The following SH3PXD2A variants were observed in gnomAD, a reference collection of about 807,000 sequenced individuals.
SH3PXD2A encodes the protein SH3 and PX domains 2A.
A neutral mutation model predicts 115.2 loss-of-function variants in SH3PXD2A; 32 were observed. The observed-to-expected ratio is 0.28, with a 90% CI of 0.21 to 0.37. The LOEUF is 0.37. SH3PXD2A is among the 10% of genes least tolerant of loss of function. The pLI, the probability that SH3PXD2A is intolerant of heterozygous loss-of-function variation, is 1.00. For missense variants in SH3PXD2A, 1,328 were observed against 1,498.7 expected (o/e 0.89, Z 1.88); for synonymous variants, 610 against 629.1 (o/e 0.97, Z 0.45).
intron 7 of SH3PXD2A, among the ~76,000 whole-genome samples, 180 bp from the exon 8 acceptor site, chr10:103,661,294 C>A (rs2037296981): frequency 6.6e-6 from 1 of 152,222 alleles, no homozygotes; most frequent in Non-Finnish European, 1.5e-5. Flanking sequence ...TATAGCAAGG[C>A]CCCAGACCGG....
At chr10:103,617,412 G>T in intron 10 of SH3PXD2A, 98 bp from the exon 11 acceptor site, 1 of 842,496 alleles carries the variant, frequency 1.2e-6, no homozygotes, top group Non-Finnish European at 2.0e-6. Flanking sequence ...TTGCTCAACT[G>T]CTTGCCAAGA....
rs192926178 is a variant in SH3PXD2A at position 103,801,924 on chromosome 10, G to A, written c.73-562C>T. Among the ~76,000 whole-genome samples, 311 of 152,228 alleles carry A rather than the reference G, an allele frequency of 2.0e-3. 3 individuals are homozygous for A. The highest frequency in any genetic ancestry group is 6.4e-3 in the African/African-American group (266 of 41,544). ...TCGCCATGTTGGCCAGGCTGGTCTCGAACTCCTGACCTCAGATGATCCACC... is the reference window on the plus strand; with the variant it reads ...TCGCCATGTTGGCCAGGCTGGTCTCAAACTCCTGACCTCAGATGATCCACC... On this transcript the variant is annotated intron_variant, in intron 1 of 14. Coordinates refer to ENST00000369774, the MANE Select transcript of SH3PXD2A (RefSeq NM_001394015.1).
chr10:103,660,895 C>A, intron 8 of SH3PXD2A, 88 bp downstream of exon 8: 1 of 1,363,688 alleles, frequency 7.3e-7, no homozygotes, highest in East Asian at 2.3e-5. Context: ...ATAGCTGCAG[C>A]GGTGGGGGAG....
intron 8 of SH3PXD2A, among the ~76,000 whole-genome samples, chr10:103,640,186 A>G (rs562622526): frequency 6.6e-6 from 1 of 152,158 alleles, no homozygotes; most frequent in East Asian, 1.9e-4. Context: ...GTAGTGGCAC[A>G]TGCCTGTAAT....
At position 103,756,550 on chromosome 10, in the gene SH3PXD2A, C is replaced by A. The variant is rs987265251; in HGVS notation, c.229+10544G>T. Among the ~76,000 whole-genome samples the A allele has an allele frequency of 6.6e-6, 1 of 152,152 alleles. No individual in the cohort carries two copies. Among genetic ancestry groups the A allele is most frequent in the African/African-American group, 2.4e-5 (1 of 41,434 alleles). On this transcript the variant is annotated intron_variant, in intron 3 of 14. Transcript: ENST00000369774. The surrounding 1 kb of genome is among the most constrained non-coding windows in gnomAD (Gnocchi z 4.4). ...GGCTCCTGGGGAGGGAGGCTGCCCA[C>A]CACAAAGCACCTTTCATATGCTCCA...
rs2037888127 is a variant in SH3PXD2A, at chr10:103,701,020, CCA to C, written c.399-7966_399-7965del. On this transcript the variant is annotated intron_variant, in intron 5 of 14. Transcript: ENST00000369774. ...TACCATCTATCCATCTATCCATCCA[CCA>C]TCCATCCATCCATCCATCCACCATC... 5.2e-4 allele frequency among the ~76,000 whole-genome samples: 2 copies of C among 3,854 alleles called. 1 individual carries two copies. The highest frequency in any genetic ancestry group is 7.8e-4 in the Non-Finnish European group (2 of 2,568). The allele number at this position is 3,854 out of a possible 152,430, so 2.5% of individuals were successfully genotyped here.
chr10:103,603,367 C>T lies in SH3PXD2A; in HGVS notation c.1851G>A (p.Glu617=). Residue 617 remains glutamate (E), a synonymous_variant, in exon 15 of 15, where the codon GAG becomes GAA. Coordinates refer to ENST00000369774, the MANE Select transcript of SH3PXD2A (RefSeq NM_001394015.1). The stretch of plus-strand genomic sequence containing the variant: ...GGAAGCCCTCATTCTCATAGATGGT[C>T]TCCTCTTCCAGGGCCACATCCTCTG... ...ESSEDVALEE[E]TIYENEGFRP... The T allele has an allele frequency of 1.2e-6, 2 of 1,614,078 alleles. No individual in the cohort carries two copies.
chr10:103,607,468 C>A (rs1235350521), intron 13 of SH3PXD2A, among the ~76,000 whole-genome samples: 3 of 151,880 alleles, frequency 2.0e-5, no homozygotes, highest in African/African-American at 7.3e-5. Context: ...TGCCCAGCCG[C>A]CCCTACTGGG....
intron 2 of SH3PXD2A, among the ~76,000 whole-genome samples, chr10:103,797,860 G>A (rs545513125): frequency 1.3e-5 from 2 of 152,242 alleles, no homozygotes; most frequent in South Asian, 4.2e-4. Flanking sequence ...TGGCCTCATG[G>A]CTGCAGAGTG....
At chr10:103,828,786 G>C (rs943830574) in intron 1 of SH3PXD2A, among the ~76,000 whole-genome samples, 6 of 152,194 alleles carry the variant, frequency 3.9e-5, no homozygotes, top group African/African-American at 1.4e-4. Flanking sequence ...TTTGTGTTCT[G>C]TACTTCGTCC....
At chr10:103,820,666 C>T (rs947040183) in intron 1 of SH3PXD2A, among the ~76,000 whole-genome samples, 1 of 152,118 alleles carries the variant, frequency 6.6e-6, no homozygotes, top group Non-Finnish European at 1.5e-5. Flanking sequence ...CAGGCCCATG[C>T]AGGGAAAGGC....
At chr10:103,773,410 A>G (rs546714381) in intron 2 of SH3PXD2A, among the ~76,000 whole-genome samples, 28 of 151,610 alleles carry the variant, frequency 1.8e-4, no homozygotes, top group Non-Finnish European at 3.7e-4. Flanking sequence ...GACAATAATG[A>G]TAAGTGTGGT....
Position 103,601,528 on chromosome 10 carries a change from T to C in SH3PXD2A, c.*288A>G, listed in dbSNP as rs2036214055. Reference sequence around the variant, plus strand: ...GATGGCATGTAATCCATTGGTGAAGTCCCTATGGTGCACAGGATATCTCAG... The same window carrying C: ...GATGGCATGTAATCCATTGGTGAAGCCCCTATGGTGCACAGGATATCTCAG... On this transcript the variant is annotated 3_prime_UTR_variant, in exon 15 of 15. Transcript: ENST00000369774. The C allele has an allele frequency of 3.4e-6, 1 of 296,088 alleles. No homozygotes were observed. Among genetic ancestry groups the C allele is most frequent in the African/African-American group, 2.1e-5 (1 of 46,934 alleles). 18.3% of individuals were successfully genotyped at this position (296,088 alleles called of 1,614,324 possible).
intron 3 of SH3PXD2A, among the ~76,000 whole-genome samples, chr10:103,765,641 C>G (rs368163254): frequency 6.6e-6 from 1 of 152,202 alleles, no homozygotes; most frequent in East Asian, 1.9e-4. Context: ...AGCAAACAGG[C>G]GACCTTCATG....
In SH3PXD2A at chr10:103,679,975, TTTTA is replaced by T. The variant is rs1053956678; in HGVS notation, c.428-11327_428-11324del. The stretch of plus-strand genomic sequence containing the variant: ...ATGGCCAGCTCTGCCTTCTCTTTTA[TTTTA>T]TTTATTTATTTATTTTTTGAGATAG... On this transcript the variant is annotated intron_variant, in intron 6 of 14. Coordinates refer to ENST00000369774, the MANE Select transcript of SH3PXD2A (RefSeq NM_001394015.1). Among the ~76,000 whole-genome samples, 4 of 152,174 alleles carry T rather than the reference TTTTA, an allele frequency of 2.6e-5. No individual in the cohort carries two copies. In the Middle Eastern group the frequency reaches 0.01, roughly 388 times the overall value.
chr10:103,842,540 T>C (rs752903335), intron 1 of SH3PXD2A, among the ~76,000 whole-genome samples: 33 of 152,230 alleles, frequency 2.2e-4, no homozygotes, highest in Non-Finnish European at 3.7e-4. Context: ...TCAACCTCTC[T>C]TTATTCCTCC....
chr10:103,717,405 C>T (rs2047036), intron 5 of SH3PXD2A, among the ~76,000 whole-genome samples: 99,212 of 151,904 alleles, frequency 0.65, 32,677 homozygotes, highest in African/African-American at 0.73. Context: ...GAGGAGGGGC[C>T]CAAGCTGAGT....
At chr10:103,717,474 G>A (rs1461243339) in intron 5 of SH3PXD2A, among the ~76,000 whole-genome samples, 1 of 152,162 alleles carries the variant, frequency 6.6e-6, no homozygotes, top group Non-Finnish European at 1.5e-5. Context: ...GGGTGCTCCT[G>A]GTGGAGGGAA....
chr10:103,835,453 G>C (rs1459033150), intron 1 of SH3PXD2A, among the ~76,000 whole-genome samples: 1 of 152,214 alleles, frequency 6.6e-6, no homozygotes, highest in Admixed American at 6.5e-5. Flanking sequence ...TCGCTTAGCA[G>C]ACAACGATGG....
Sources: gnomAD v4.1 joint callset for allele counts (sites outside exome capture counted in the v4.1 genomes callset) on GRCh38, gnomAD v4.1.1 for gene constraint, Gnocchi (gnomAD v3.1) non-coding constraint, MANE v1.5 for transcripts, NCBI Gene and HGNC (gene_info 2026-07-23, HGNC 2026-07-21) for gene names.